The following MAP3K1 variants were observed in gnomAD, a reference collection of about 807,000 sequenced individuals.
The protein encoded by MAP3K1 is mitogen-activated protein kinase kinase kinase 1.
In MAP3K1, 36 loss-of-function variants were observed where a neutral mutation model predicts 144.2. That is an observed-to-expected ratio of 0.25 (90% CI 0.19 to 0.33). The LOEUF is 0.33. Ranked by LOEUF, MAP3K1 falls within the 10% of genes least tolerant of loss-of-function variation. MAP3K1 has a pLI of 1.00. For synonymous variants in MAP3K1, 718 were observed against 688.7 expected, an observed-to-expected ratio of 1.04 and a Z score of -0.67; for missense variants, 1,650 against 1,881.9, an observed-to-expected ratio of 0.88 and a Z score of 2.28.
At chr5:56,823,623 C>T (rs1746220866) in intron 1 of MAP3K1, among the ~76,000 whole-genome samples, 1 of 152,144 alleles carries the variant, frequency 6.6e-6, no homozygotes, top group Admixed American at 6.5e-5. Flanking sequence ...ACTGTTTTTC[C>T]TGTTTAGTCA....
intron 3 of MAP3K1, among the ~76,000 whole-genome samples, chr5:56,861,485 A>G (rs1406270918): frequency 6.7e-6 from 1 of 150,154 alleles, no homozygotes; most frequent in African/African-American, 2.5e-5. Context: ...GGCAGAGAGA[A>G]TGGCTTGAAC....
intron 1 of MAP3K1, among the ~76,000 whole-genome samples, chr5:56,827,819 G>A (rs1490356251): frequency 6.6e-6 from 1 of 151,732 alleles, no homozygotes; most frequent in African/African-American, 2.4e-5. Flanking sequence ...AGCTGAGATC[G>A]CGCCACTGCT....
intron 1 of MAP3K1, among the ~76,000 whole-genome samples, chr5:56,844,848 A>C (rs1172545634): frequency 1.3e-5 from 2 of 149,920 alleles, no homozygotes; most frequent in Non-Finnish European, 3.0e-5. Context: ...GTTTGCTAGC[A>C]TTCAAAGCAT....
At chr5:56,844,887 G>A (rs932131016) in intron 1 of MAP3K1, among the ~76,000 whole-genome samples, 4 of 152,200 alleles carry the variant, frequency 2.6e-5, no homozygotes, top group African/African-American at 9.6e-5. Flanking sequence ...TTGTCAGGAA[G>A]TCATTCTTCC....
chr5:56,870,089 T>A (rs1747806526), intron 6 of MAP3K1, among the ~76,000 whole-genome samples: 2 of 152,194 alleles, frequency 1.3e-5, no homozygotes, highest in Non-Finnish European at 2.9e-5. Flanking sequence ...AAGTAGTTAC[T>A]GTTTTTGCCA....
intron 1 of MAP3K1, among the ~76,000 whole-genome samples, chr5:56,855,839 A>C (rs960993749): frequency 3.3e-5 from 5 of 152,188 alleles, no homozygotes. Context: ...CTTATAAATC[A>C]GGTTTTCAAA....
chr5:56,882,208 A>G lies in MAP3K1; in HGVS notation c.3008A>G (p.Lys1003Arg). Residue 1003 changes from lysine to arginine, a missense_variant, in exon 14 of 20, where the codon AAG becomes AGG. By Grantham distance (26) the Lys-to-Arg change is conservative (BLOSUM62 2). Transcript: ENST00000399503. ...VPAGTATDVS[K>R]HRLQGFIPCR... ...GCTGGCACTGCAACAGATGTCTCTA[A>G]GCATAGACTTCAGGGATTCATTCCC... 1 of 1,614,088 alleles carries G rather than the reference A, an allele frequency of 6.2e-7. No homozygotes were observed. The highest frequency in any genetic ancestry group is 8.5e-7 in the Non-Finnish European group (1 of 1,180,012).
At chr5:56,876,450 T>C (rs1748034095) in intron 10 of MAP3K1, among the ~76,000 whole-genome samples, 1 of 152,162 alleles carries the variant, frequency 6.6e-6, no homozygotes, top group South Asian at 2.1e-4. Flanking sequence ...CTCTACCGAT[T>C]GGGCCTAATG....
intron 1 of MAP3K1, among the ~76,000 whole-genome samples, chr5:56,828,923 A>C (rs1169204216): frequency 6.6e-6 from 1 of 152,054 alleles, no homozygotes; most frequent in African/African-American, 2.4e-5. Context: ...GGTAACAATC[A>C]TATTGCTTCC....
At chr5:56,866,239 C>G (rs2111895015) in intron 6 of MAP3K1, among the ~76,000 whole-genome samples, 1 of 152,098 alleles carries the variant, frequency 6.6e-6, no homozygotes, top group Non-Finnish European at 1.5e-5. Flanking sequence ...ATAGGGATAC[C>G]CCAACTCTAC....
chr5:56,863,223 G>A lies in MAP3K1; in HGVS notation c.835-1511G>A, dbSNP rs144212139. ...CTAGATCAGAGATCTCTGAACTTGC[G>A]GTTTTGAGTACCACTTGGTTCATGA... On this transcript the variant is annotated intron_variant, in intron 3 of 19. Coordinates refer to ENST00000399503, the MANE Select transcript of MAP3K1 (RefSeq NM_005921.2). 6.2e-4 allele frequency among the ~76,000 whole-genome samples: 95 copies of A among 152,254 alleles called. 2 individuals carry two copies. In the East Asian group the frequency reaches 0.011, roughly 17 times the overall value.
chr5:56,881,428 C>T (rs963350504), intron 13 of MAP3K1, 142 bp from the exon 14 acceptor site: 2 of 964,220 alleles, frequency 2.1e-6, no homozygotes, highest in African/African-American at 3.3e-5. Flanking sequence ...AAAGTCTGGG[C>T]TCTTTAATTA....
At position 56,820,713 on chromosome 5, in the gene MAP3K1, G is replaced by C. The variant is rs147442334; in HGVS notation, c.482+4658G>C. ...TACTATTGCTAGACCCTACCCCTTT[G>C]TTATTGTTTTAGATTTCATCCATTC... is the stretch of plus-strand genomic sequence containing the variant. On this transcript the variant is annotated intron_variant, in intron 1 of 19. Transcript: ENST00000399503. The C allele has an allele frequency of 1.3e-5, 13 of 985,086 alleles. No individual in the cohort carries two copies. The African/African-American group carries it at 1.7e-4, about 13-fold the overall frequency. The allele number at this position is 985,086 out of a possible 1,614,324, so 61.0% of individuals were successfully genotyped here.
intron 6 of MAP3K1, among the ~76,000 whole-genome samples, chr5:56,870,607 GT>G (rs1190805458): frequency 1.3e-5 from 2 of 152,072 alleles, no homozygotes; most frequent in Non-Finnish European, 2.9e-5. Context: ...CTTTCTTACT[GT>G]TTTTAAACAA....
At chr5:56,849,868 C>A (rs1419674786) in intron 1 of MAP3K1, among the ~76,000 whole-genome samples, 1 of 152,172 alleles carries the variant, frequency 6.6e-6, no homozygotes, top group Non-Finnish European at 1.5e-5. Context: ...ACTGTGAAAT[C>A]ACTCTCATCT....
chr5:56,865,236 A>G (rs1747640949), intron 4 of MAP3K1, 104 bp from the exon 5 acceptor site: 1 of 749,918 alleles, frequency 1.3e-6, no homozygotes, highest in South Asian at 1.6e-5. Context: ...GAATTAATAG[A>G]AACTTTAGTA....
rs1475939630 is a variant in MAP3K1, at chr5:56,859,786, G to T, written c.705G>T (p.Glu235Asp). The part of the protein sequence containing the change: ...MNHLAAESPG[E>D]VQASAASPAS... ...ACTTAGCAGCTGAGTCTCCAGGAGA[G>T]GTCCAGGCAAGTGCGGCTTCACCAG... Residue 235 changes from glutamate (E) to aspartate (D), a missense_variant, in exon 3 of 20, where the codon GAG becomes GAT. Transcript: ENST00000399503. 1 of 1,614,082 alleles carries T rather than the reference G, an allele frequency of 6.2e-7. No homozygotes were observed. The highest frequency in any genetic ancestry group is 8.5e-7 in the Non-Finnish European group (1 of 1,180,014).
Position 56,881,703 on chromosome 5 carries a change from T to C in MAP3K1, c.2503T>C (p.Ser835Pro). The C allele has an allele frequency of 6.2e-7, 1 of 1,614,184 alleles. No individual in the cohort carries two copies. Among genetic ancestry groups the C allele is most frequent in the Admixed American group, 1.7e-5 (1 of 60,018 alleles). The change falls in exon 14 of 20, where the codon TCA (serine) becomes CCA (proline). Residue 835 changes from serine to proline, a missense_variant. This residue lies in a region of MAP3K1 where 841 missense variants were observed against 886.5 expected (regional missense o/e 0.95). Coordinates refer to ENST00000399503, the MANE Select transcript of MAP3K1 (RefSeq NM_005921.2). ...GGTTACTACAGTACCCCATGTGTTT[T>C]CAAAACTGTTAGAAATGCTGAGTGT... The part of the protein sequence containing the change: ...RMVTTVPHVF[S>P]KLLEMLSVSS...
At chr5:56,823,202 G>A (rs1043636376) in intron 1 of MAP3K1, among the ~76,000 whole-genome samples, 1 of 152,242 alleles carries the variant, frequency 6.6e-6, no homozygotes, top group Admixed American at 6.5e-5. Flanking sequence ...TGCCCGGTTG[G>A]GCCCCTGTCT....
Sources: gnomAD v4.1 joint callset for allele counts (sites outside exome capture counted in the v4.1 genomes callset) on GRCh38, gnomAD v4.1.1 for gene constraint, gnomAD v4.1.1 regional missense constraint, MANE v1.5 for transcripts, NCBI Gene and HGNC (gene_info 2026-07-23, HGNC 2026-07-21) for gene names.